Variants in SACS observed in about 807,000 individuals in gnomAD.
SACS encodes the protein sacsin.
Under a neutral mutation model 348.0 loss-of-function variants are expected in SACS, and 197 were observed. The ratio of observed to expected loss-of-function variants is 0.57; its 90% CI spans 0.50 to 0.64. SACS has a LOEUF of 0.64. Among genes scored for constraint, SACS ranks in the 30% least tolerant of loss-of-function variants. The pLI, the probability that SACS is intolerant of heterozygous loss-of-function variation, is 0.00. For synonymous variants in SACS, 1,985 were observed against 1,910.6 expected (o/e 1.04, Z -1.02); for missense variants, 4,999 against 5,360.8 (o/e 0.93, Z 2.11).
intron 2 of SACS, among the ~76,000 whole-genome samples, chr13:23,379,460 CCT>C (rs1310877230): frequency 1.3e-5 from 2 of 152,180 alleles, no homozygotes; most frequent in African/African-American, 4.8e-5. Flanking sequence ...TCTTCCTCTC[CCT>C]CTCCTTCTGC....
At chr13:23,396,318 T>C (rs7991788) in intron 2 of SACS, among the ~76,000 whole-genome samples, 43,069 of 145,092 alleles carry the variant, frequency 0.3, 6,543 homozygotes, top group East Asian at 0.45. Flanking sequence ...AGCCAGAATC[T>C]GTCTCAAAAA....
chr13:23,404,799 T>G (rs9507089), intron 2 of SACS, among the ~76,000 whole-genome samples: 1 of 151,934 alleles, frequency 6.6e-6, no homozygotes, highest in Non-Finnish European at 1.5e-5. Context: ...TGAGCGAACT[T>G]TCATTCACAA....
intron 2 of SACS, among the ~76,000 whole-genome samples, chr13:23,381,366 C>CACACACACACAT (rs1460668161): frequency 4.0e-5 from 6 of 151,066 alleles, no homozygotes; most frequent in Admixed American, 6.6e-5. Context: ...CACACACACA[C>CACACACACACAT]ACACACACAC....
chr13:23,397,308 T>G (rs747464825), intron 2 of SACS, among the ~76,000 whole-genome samples: 21 of 152,162 alleles, frequency 1.4e-4, no homozygotes, highest in Admixed American at 7.9e-4. Context: ...GACTGGTTGT[T>G]CCAGAATGAG....
At chr13:23,386,862 G>A (rs944691192) in intron 2 of SACS, among the ~76,000 whole-genome samples, 1 of 152,254 alleles carries the variant, frequency 6.6e-6, no homozygotes, top group Non-Finnish European at 1.5e-5. Flanking sequence ...AGAGAGGCTG[G>A]AGGAGAGGGA....
intron 2 of SACS, among the ~76,000 whole-genome samples, chr13:23,398,530 G>A (rs192186078): frequency 0.012 from 1,334 of 111,148 alleles, 21 homozygotes; most frequent in African/African-American, 0.038. Context: ...GTGAAACTCC[G>A]TCTCAAAAAA....
chr13:23,362,401 C>G (rs2137765273), intron 6 of SACS, among the ~76,000 whole-genome samples: 1 of 152,146 alleles, frequency 6.6e-6, no homozygotes, highest in East Asian at 1.9e-4. Flanking sequence ...ACCTTAAGAG[C>G]TTCTGGCTGT....
intron 8 of SACS, among the ~76,000 whole-genome samples, 184 bp from the exon 9 acceptor site, chr13:23,354,060 G>A (rs933493355): frequency 4.6e-5 from 7 of 152,180 alleles, no homozygotes; most frequent in Admixed American, 3.9e-4. Flanking sequence ...TTTAAAACGT[G>A]AAGGCATCAT....
At chr13:23,394,342 A>C (rs1872635217) in intron 2 of SACS, among the ~76,000 whole-genome samples, 1 of 152,134 alleles carries the variant, frequency 6.6e-6, no homozygotes, top group Admixed American at 6.5e-5. Flanking sequence ...ATCAGCAAGA[A>C]TCCTCTACCC....
intron 1 of SACS, among the ~76,000 whole-genome samples, chr13:23,424,379 G>A (rs1874076581): frequency 6.6e-6 from 1 of 152,178 alleles, no homozygotes. Flanking sequence ...TACAAAATTA[G>A]CCGGGCATGG....
At chr13:23,366,095 A>C (rs1278674259) in intron 5 of SACS, among the ~76,000 whole-genome samples, 1 of 152,178 alleles carries the variant, frequency 6.6e-6, no homozygotes, top group Non-Finnish European at 1.5e-5. Flanking sequence ...CATGATCATC[A>C]AAAGAGCTTT....
chr13:23,337,047 C>T lies in SACS; in HGVS notation c.6829G>A (p.Ala2277Thr). 6.2e-7 allele frequency: 1 copy of T among 1,613,952 alleles called. No homozygotes were observed. Among genetic ancestry groups the T allele is most frequent in the Non-Finnish European group, 8.5e-7 (1 of 1,179,894 alleles). The change falls in exon 10 of 10, where the codon GCT (alanine) becomes ACT (threonine). Residue 2277 changes from alanine (A) to threonine (T), a missense_variant. Ala to Thr is a moderately conservative substitution (Grantham distance 58). Transcript: ENST00000382292. ...AGTAATCCCAAAAACTCTTTAACAG[C>T]CAATGACACTGAACCACAACCTCTA... ...SFRGCGSVSL[A>T]VKEFLGLLKK... is the part of the protein sequence containing the mutation.
chr13:23,358,822 T>C (rs2766116), intron 6 of SACS, among the ~76,000 whole-genome samples: 2,941 of 152,276 alleles, frequency 0.019, 101 homozygotes, highest in African/African-American at 0.066. Flanking sequence ...CTTTTTTTGG[T>C]AAATGGAAAA....
chr13:23,380,691 T>A (rs1199878632), intron 2 of SACS, among the ~76,000 whole-genome samples: 7 of 152,100 alleles, frequency 4.6e-5, no homozygotes, highest in Admixed American at 4.6e-4. Context: ...AAAGACAGAG[T>A]CAGGAACGTT....
intron 1 of SACS, among the ~76,000 whole-genome samples, chr13:23,429,653 G>T (rs66978502): frequency 0.091 from 13,863 of 151,654 alleles, 841 homozygotes; most frequent in African/African-American, 0.16. Flanking sequence ...GTGAGCCACC[G>T]TGCCAGGCCC....
intron 4 of SACS, 90 bp from the exon 5 acceptor site, chr13:23,368,577 C>CTTGTATAGT: frequency 4.4e-6 from 4 of 901,194 alleles, no homozygotes; most frequent in Non-Finnish European, 7.2e-6. Context: ...CATCATATAA[C>CTTGTATAGT]TATACAAGTT....
At chr13:23,399,450 C>T (rs1872860640) in intron 2 of SACS, among the ~76,000 whole-genome samples, 1 of 152,158 alleles carries the variant, frequency 6.6e-6, no homozygotes, top group Admixed American at 6.5e-5. Flanking sequence ...ACTACCCTTC[C>T]CGCCTTTGCC....
In SACS at chr13:23,411,118, G is replaced by A. The variant is rs1004970050; in HGVS notation, c.20+102C>T. 21 of 948,558 alleles carry A rather than the reference G, an allele frequency of 2.2e-5. No individual in the cohort carries two copies. In the African/African-American group the frequency reaches 2.4e-4, roughly 11 times the overall value. 58.8% of individuals were successfully genotyped at this position (948,558 alleles called of 1,614,324 possible). ...GATGGTTAGTTCACTTTTACCTCTC[G>A]AGTGCTTTCATTTGTTTTTGCCTAT... On this transcript the variant is annotated intron_variant, in intron 2 of 9. Coordinates refer to ENST00000382292, the MANE Select transcript of SACS (RefSeq NM_014363.6).
At position 23,337,163 on chromosome 13, in the gene SACS, G is replaced by T; in HGVS notation, c.6713C>A (p.Thr2238Asn). 1 of 1,613,958 alleles carries T rather than the reference G, an allele frequency of 6.2e-7. No homozygotes were observed. Among genetic ancestry groups the T allele is most frequent in the Non-Finnish European group, 8.5e-7 (1 of 1,179,908 alleles). Residue 2238 changes from threonine (T) to asparagine (N), a missense_variant, in exon 10 of 10, where the codon ACC becomes AAC. By Grantham distance (65) the Thr-to-Asn change is moderately conservative (BLOSUM62 0). Transcript: ENST00000382292. The stretch of plus-strand genomic sequence containing the variant: ...ATAAAGGTCAGTTGCTGCAAACATG[G>T]TTTCAGGCTTAAAACTGTTGCCTTT... ...DWKGNSFKPE[T>N]MFAATDLYTA...
Sources: allele counts gnomAD v4.1 joint callset (sites outside exome capture counted in the v4.1 genomes callset), GRCh38; gene constraint gnomAD v4.1.1; transcripts MANE v1.5; gene names NCBI Gene and HGNC (gene_info 2026-07-23, HGNC 2026-07-21).